The following STRADA variants were observed in gnomAD, a reference collection of about 807,000 sequenced individuals.
STRADA encodes the protein STE20-related kinase adapter protein alpha.
A neutral mutation model predicts 55.0 loss-of-function variants in STRADA; 26 were observed. That is an observed-to-expected ratio of 0.47 (90% CI 0.35 to 0.66). The LOEUF is 0.66. Ranked by LOEUF, STRADA falls within the 30% of genes least tolerant of loss-of-function variation. The pLI is 0.01. For synonymous variants in STRADA, 197 were observed against 210.9 expected (o/e 0.93, Z 0.57); for missense variants, 443 against 549.7 (o/e 0.81, Z 1.94).
intron 1 of STRADA, among the ~76,000 whole-genome samples, chr17:63,737,712 A>T (rs2038552567): frequency 6.6e-6 from 1 of 152,238 alleles, no homozygotes; most frequent in Non-Finnish European, 1.5e-5. Flanking sequence ...TCAACTATCA[A>T]AAGTTTGGAG....
chr17:63,713,515 T>C lies in STRADA; in HGVS notation c.239A>G (p.Glu80Gly). 6.2e-7 allele frequency: 1 copy of C among 1,613,950 alleles called. No homozygotes were observed. The highest frequency in any genetic ancestry group is 8.5e-7 in the Non-Finnish European group (1 of 1,179,968). ...TGCTAGATTCACAGTCATCAGGTCCTCAAATCCTTTGCCTAAAAGAAAAAG... is the reference window on the plus strand; with the variant it reads ...TGCTAGATTCACAGTCATCAGGTCCCCAAATCCTTTGCCTAAAAGAAAAAG... The part of the protein sequence containing the change: ...ELLTVIGKGF[E>G]DLMTVNLARY... The change falls in exon 6 of 13, where the codon GAG (glutamate) becomes GGG (glycine). Residue 80 changes from glutamate (E) to glycine (G), a missense_variant. By Grantham distance (98) the Glu-to-Gly change is moderately conservative (BLOSUM62 -2). Transcript: ENST00000336174.
chr17:63,714,962 T>C (rs1204137403), intron 4 of STRADA, among the ~76,000 whole-genome samples: 1 of 152,240 alleles, frequency 6.6e-6, no homozygotes, highest in Non-Finnish European at 1.5e-5. Flanking sequence ...TTCTTTTAGA[T>C]TCTCTTTCTT....
rs1263235055 is a variant in STRADA, at chr17:63,741,715, TACCAGGCACCCC to T, written c.-45+14_-45+25del. On this transcript the variant is annotated intron_variant, in intron 1 of 12. Transcript: ENST00000336174. ...CCAGGAGGGACTGGCCCCGGCAGCGTACCAGGCACCCCGCCAGGCAGGTACCTGTTCCTGGAG... is the reference window on the plus strand; with the variant it reads ...CCAGGAGGGACTGGCCCCGGCAGCGTGCCAGGCAGGTACCTGTTCCTGGAG... 6.6e-6 allele frequency: 1 copy of T among 152,388 alleles called. No individual in the cohort carries two copies. Among genetic ancestry groups the T allele is most frequent in the Non-Finnish European group, 1.5e-5 (1 of 68,196 alleles). The allele number at this position is 152,388 out of a possible 1,614,324, so 9.4% of individuals were successfully genotyped here.
At chr17:63,719,645 G>A (rs563800609) in intron 4 of STRADA, among the ~76,000 whole-genome samples, 4 of 152,172 alleles carry the variant, frequency 2.6e-5, no homozygotes, top group Admixed American at 6.5e-5. Flanking sequence ...TACCATGCCC[G>A]GCTAATTTTT....
Position 63,714,002 on chromosome 17 carries a change from A to C in STRADA, c.226+4T>G. 1 of 1,613,078 alleles carries C rather than the reference A, an allele frequency of 6.2e-7. No homozygotes were observed. Among genetic ancestry groups the C allele is most frequent in the Non-Finnish European group, 8.5e-7 (1 of 1,179,096 alleles). ...AGGAGAGTAAGGACGGCCCCTGCAC[A>C]TACCTATCACAGTGAGCAGCTCGTA... is the stretch of plus-strand genomic sequence containing the variant. On this transcript the variant is annotated splice_donor_region_variant and intron_variant, in intron 5 of 12. Coordinates refer to ENST00000336174, the MANE Select transcript of STRADA (RefSeq NM_001003787.4).
intron 8 of STRADA, 180 bp downstream of exon 8, chr17:63,710,311 C>T (rs2036411197): frequency 2.0e-6 from 2 of 1,011,418 alleles, no homozygotes; most frequent in Non-Finnish European, 2.8e-6. Context: ...GCTGTGATTA[C>T]AGGCGTGAGC....
chr17:63,726,364 C>T lies in STRADA; in HGVS notation c.94+274G>A, dbSNP rs2037658381. On this transcript the variant is annotated intron_variant, in intron 3 of 12. Coordinates refer to ENST00000336174, the MANE Select transcript of STRADA (RefSeq NM_001003787.4). Reference sequence around the variant, plus strand: ...CTACAGACTTTTAAATAGTTTTCTTCCTTTAAAAATATGTATTTCACCTGG... The same window carrying T: ...CTACAGACTTTTAAATAGTTTTCTTTCTTTAAAAATATGTATTTCACCTGG... The T allele has an allele frequency of 1.7e-5, 6 of 348,500 alleles. No individual in the cohort carries two copies. The East Asian group carries it at 2.2e-4, about 13-fold the overall frequency. 21.6% of individuals were successfully genotyped at this position (348,500 alleles called of 1,614,324 possible). A position where few individuals can be genotyped will look rare whatever the true frequency, so the allele number is the denominator to read the frequency against.
intron 10 of STRADA, 161 bp downstream of exon 10, chr17:63,706,474 A>G: frequency 1.6e-6 from 1 of 619,746 alleles, no homozygotes; most frequent in Non-Finnish European, 2.9e-6. Context: ...AAGTAAACAA[A>G]GAGTGAGGTC....
chr17:63,720,053 A>C (rs989263374), intron 4 of STRADA, among the ~76,000 whole-genome samples: 1 of 150,192 alleles, frequency 6.7e-6, no homozygotes, highest in Non-Finnish European at 1.5e-5. Flanking sequence ...ACAGGGTCTC[A>C]CTCTGTCACC....
intron 8 of STRADA, among the ~76,000 whole-genome samples, chr17:63,710,084 G>A (rs2036391706): frequency 6.7e-6 from 1 of 149,462 alleles, no homozygotes; most frequent in Non-Finnish European, 1.5e-5. Context: ...ACCCAGGCTG[G>A]AGTGCAGTGG....
intron 6 of STRADA, 40 bp downstream of exon 6, chr17:63,713,366 G>C: frequency 6.2e-7 from 1 of 1,602,158 alleles, no homozygotes. Context: ...AGAGCCAAGA[G>C]CCCACCCTCC....
chr17:63,703,570 G>A lies in STRADA; in HGVS notation c.*29C>T, dbSNP rs1459334248. ...CCTCTGGGTGGCCTCTGCATCCCTG[G>A]CTGGAGAATGCGCACAGTTTGCAGA... is the stretch of plus-strand genomic sequence containing the variant. On this transcript the variant is annotated 3_prime_UTR_variant, in exon 13 of 13. Coordinates refer to ENST00000336174, the MANE Select transcript of STRADA (RefSeq NM_001003787.4). 3.1e-6 allele frequency: 5 copies of A among 1,599,966 alleles called. No individual in the cohort carries two copies. In the South Asian group the frequency reaches 3.4e-5, roughly 11 times the overall value.
chr17:63,704,533 C>G lies in STRADA; in HGVS notation c.908G>C (p.Ser303Thr). ...NGTVPCLLDT[S>T]TIPAEELTMS... ...GGTCAGCTCCTCAGCGGGGATGGTG[C>G]TGGTATCCAACAGGCAGGGCACTGT... Residue 303 changes from serine to threonine, a missense_variant, in exon 11 of 13, where the codon AGC (serine) becomes ACC (threonine). Ser to Thr is a moderately conservative substitution (Grantham distance 58). Coordinates refer to ENST00000336174, the MANE Select transcript of STRADA (RefSeq NM_001003787.4). 1 of 1,575,314 alleles carries G rather than the reference C, an allele frequency of 6.3e-7. No individual in the cohort carries two copies. Among genetic ancestry groups the G allele is most frequent in the Non-Finnish European group, 8.6e-7 (1 of 1,160,366 alleles).
In STRADA at chr17:63,739,952, AG is replaced by A. The variant is rs1391076070; in HGVS notation, c.-45+1788del. ...GAGTGACTGGCTCCGGCAGTGCACC[AG>A]GCACCCCGCCAGGCAGGTACCTGTT... On this transcript the variant is annotated intron_variant, in intron 1 of 12. Coordinates refer to ENST00000336174, the MANE Select transcript of STRADA (RefSeq NM_001003787.4). 2.7e-5 allele frequency among the ~76,000 whole-genome samples: 4 copies of A among 147,654 alleles called. 1 individual carries two copies. In the East Asian group the frequency reaches 7.9e-4, roughly 29 times the overall value.
chr17:63,707,837 T>C (rs2036213944), intron 8 of STRADA, among the ~76,000 whole-genome samples: 2 of 151,424 alleles, frequency 1.3e-5, no homozygotes, highest in African/African-American at 4.9e-5. Context: ...TTCACACCAT[T>C]CTCCTGCCTC....
chr17:63,719,510 G>C (rs2037138354), intron 4 of STRADA, among the ~76,000 whole-genome samples: 1 of 149,992 alleles, frequency 6.7e-6, no homozygotes, highest in African/African-American at 2.5e-5. Flanking sequence ...TTGAGACAGA[G>C]TCTCGCTCTA....
At chr17:63,706,578 A>G (rs1355486387) in intron 10 of STRADA, 57 bp downstream of exon 10, 12 of 1,277,912 alleles carry the variant, frequency 9.4e-6, no homozygotes, top group Admixed American at 3.5e-5. Flanking sequence ...GAGCTACTCA[A>G]CGAACATCTG....
chr17:63,721,470 G>C (rs934160839), intron 4 of STRADA, among the ~76,000 whole-genome samples: 7 of 151,594 alleles, frequency 4.6e-5, no homozygotes, highest in Admixed American at 2.0e-4. Flanking sequence ...TGTAATACCA[G>C]GACTTTGGGA....
intron 8 of STRADA, 158 bp from the exon 9 acceptor site, chr17:63,707,576 T>C (rs1236833450): frequency 1.0e-5 from 7 of 698,814 alleles, no homozygotes; most frequent in Admixed American, 8.4e-5. Context: ...TTTGTTTTCA[T>C]TGAGATAAGA....
Sources: allele counts gnomAD v4.1 joint callset (sites outside exome capture counted in the v4.1 genomes callset), GRCh38; gene constraint gnomAD v4.1.1; transcripts MANE v1.5; gene names NCBI Gene and HGNC (gene_info 2026-07-23, HGNC 2026-07-21).